WDR59: variants seen among roughly 807,000 people sequenced by gnomAD.
WDR59 encodes the protein GATOR2 complex protein WDR59.
Under a neutral mutation model 131.2 loss-of-function variants are expected in WDR59, and 100 were observed. The ratio of observed to expected loss-of-function variants is 0.76; its 90% CI spans 0.65 to 0.90. WDR59 has a LOEUF of 0.90. Ranked by LOEUF, WDR59 falls within the 40% of genes least tolerant of loss-of-function variation. The pLI is 0.00. For missense variants in WDR59, 1,203 were observed against 1,262.2 expected, an observed-to-expected ratio of 0.95 and a Z score of 0.71; for synonymous variants, 601 against 466.2, an observed-to-expected ratio of 1.29 and a Z score of -3.72.
intron 5 of WDR59, among the ~76,000 whole-genome samples, 193 bp downstream of exon 5, chr16:74,949,525 G>C (rs1190155057): frequency 6.6e-6 from 1 of 151,826 alleles, no homozygotes; most frequent in Non-Finnish European, 1.5e-5. Flanking sequence ...TGCCTGGAGA[G>C]GTCCTGGCTC....
chr16:74,912,934 G>A (rs962921546), intron 13 of WDR59, among the ~76,000 whole-genome samples: 1 of 152,214 alleles, frequency 6.6e-6, no homozygotes, highest in African/African-American at 2.4e-5. Context: ...TTTCTGCCCT[G>A]GGTGGGCCAG....
chr16:74,976,429 C>A (rs201687180), intron 1 of WDR59, among the ~76,000 whole-genome samples: 1 of 148,848 alleles, frequency 6.7e-6, no homozygotes, highest in African/African-American at 2.5e-5. Flanking sequence ...GAACGTTTTT[C>A]TTTTTCTTTT....
Position 74,891,440 on chromosome 16 carries a change from T to C in WDR59, c.2082+1044A>G, listed in dbSNP as rs1022164117. ...TCTCTATAATCAATAACCTAGTGAA[T>C]CAGCACTAGAGGAAGTTAATGACTT... On this transcript the variant is annotated intron_variant, in intron 20 of 25. Transcript: ENST00000262144. Among the ~76,000 whole-genome samples the C allele has an allele frequency of 2.6e-5, 4 of 152,206 alleles. No individual in the cohort carries two copies. In the South Asian group the frequency reaches 8.3e-4, roughly 31 times the overall value.
chr16:74,966,477 C>G (rs1347281692), intron 1 of WDR59, among the ~76,000 whole-genome samples: 1 of 151,930 alleles, frequency 6.6e-6, no homozygotes, highest in Non-Finnish European at 1.5e-5. Flanking sequence ...GAGACTCCAT[C>G]TCAAAAAATA....
chr16:74,984,751 G>A (rs2034557146), intron 1 of WDR59: 1 of 622,570 alleles, frequency 1.6e-6, no homozygotes, highest in Admixed American at 3.0e-5. Context: ...CCCGCGTAGG[G>A]AGCCCCGAAA....
At chr16:74,916,480 T>C (rs1966392865) in intron 11 of WDR59, among the ~76,000 whole-genome samples, 1 of 152,214 alleles carries the variant, frequency 6.6e-6, no homozygotes, top group South Asian at 2.1e-4. Flanking sequence ...TTTTTCATCA[T>C]GTTCAGAGTT....
chr16:74,889,404 A>G (rs943502454), intron 21 of WDR59, among the ~76,000 whole-genome samples: 1 of 152,200 alleles, frequency 6.6e-6, no homozygotes, highest in Non-Finnish European at 1.5e-5. Context: ...CCATCTCATG[A>G]GCTCAAACTC....
intron 18 of WDR59, among the ~76,000 whole-genome samples, chr16:74,900,250 G>C (rs935869776): frequency 6.6e-6 from 1 of 152,112 alleles, no homozygotes; most frequent in Non-Finnish European, 1.5e-5. Context: ...GGGGTGATGA[G>C]GGAATTGGGT....
At chr16:74,917,881 T>G in intron 11 of WDR59, 48 bp downstream of exon 11, 1 of 1,537,422 alleles carries the variant, frequency 6.5e-7, no homozygotes, top group Non-Finnish European at 9.0e-7. Context: ...ATCTTACACT[T>G]TTTGGTGGAT....
intron 18 of WDR59, among the ~76,000 whole-genome samples, chr16:74,902,518 G>C (rs986005498): frequency 5.9e-5 from 9 of 152,152 alleles, no homozygotes; most frequent in African/African-American, 2.2e-4. Context: ...TTTGATTAGA[G>C]TGGGCTTTAC....
At chr16:74,905,041 T>C (rs1335171954) in intron 17 of WDR59, among the ~76,000 whole-genome samples, 2 of 152,264 alleles carry the variant, frequency 1.3e-5, no homozygotes, top group South Asian at 2.1e-4. Flanking sequence ...TTTAAATCTA[T>C]AAAGCTTTCA....
chr16:74,961,134 T>C (rs1408810710), intron 2 of WDR59, among the ~76,000 whole-genome samples: 1 of 141,006 alleles, frequency 7.1e-6, no homozygotes, highest in Non-Finnish European at 1.6e-5. Context: ...AGGGAGACCC[T>C]GTCTCTACAA....
chr16:74,956,336 T>C, intron 3 of WDR59, 139 bp downstream of exon 3: 1 of 1,173,544 alleles, frequency 8.5e-7, no homozygotes, highest in Admixed American at 3.2e-5. Context: ...CTTGCCTCTG[T>C]CTTTTTCTCA....
chr16:74,886,117 G>A, intron 24 of WDR59, 153 bp downstream of exon 24: 1 of 964,132 alleles, frequency 1.0e-6, no homozygotes, highest in Non-Finnish European at 1.5e-6. Flanking sequence ...AGCAGAGGTT[G>A]CAGAGAGCCG....
chr16:74,919,828 A>C (rs2029995083), intron 10 of WDR59, among the ~76,000 whole-genome samples: 1 of 152,148 alleles, frequency 6.6e-6, no homozygotes, highest in Non-Finnish European at 1.5e-5. Context: ...ATCCTTCCCC[A>C]CAGTGAAAAT....
intron 6 of WDR59, among the ~76,000 whole-genome samples, chr16:74,946,150 A>G (rs2032623043): frequency 6.6e-6 from 1 of 152,156 alleles, no homozygotes; most frequent in Non-Finnish European, 1.5e-5. Flanking sequence ...CAGTGTTACA[A>G]CTGTTCTATT....
chr16:74,973,415 T>C (rs566867821), intron 1 of WDR59, among the ~76,000 whole-genome samples: 1 of 152,166 alleles, frequency 6.6e-6, no homozygotes, highest in South Asian at 2.1e-4. Context: ...GCCTCCTGAG[T>C]AAATGGTACC....
In WDR59 at chr16:74,903,827, G is replaced by A. The variant is rs140000703; in HGVS notation, c.1866+120C>T. ...AAGTAATGACTTTCTTGAACAAACT[G>A]ATTACGAAAGTGAAAGGCTACAGGG... On this transcript the variant is annotated intron_variant, in intron 18 of 25. Coordinates refer to ENST00000262144, the MANE Select transcript of WDR59 (RefSeq NM_030581.4). 1.0e-3 allele frequency: 1,304 copies of A among 1,260,524 alleles called. 8 individuals are homozygous for A. The African/African-American group carries it at 0.018, about 17-fold the overall frequency. The allele number at this position is 1,260,524 out of a possible 1,614,324, so 78.1% of individuals were successfully genotyped here.
At chr16:74,912,966 G>A (rs1966174267) in intron 13 of WDR59, among the ~76,000 whole-genome samples, 1 of 151,964 alleles carries the variant, frequency 6.6e-6, no homozygotes, top group Admixed American at 6.6e-5. Context: ...CCTCATTCCG[G>A]TAAACCCACA....
Sources: allele counts gnomAD v4.1 joint callset (sites outside exome capture counted in the v4.1 genomes callset), GRCh38; gene constraint gnomAD v4.1.1; transcripts MANE v1.5; gene names NCBI Gene and HGNC (gene_info 2026-07-23, HGNC 2026-07-21).